The following AP2A1 variants were observed in gnomAD, a reference collection of about 807,000 sequenced individuals.
AP2A1 encodes the protein adaptor related protein complex 2 subunit alpha 1, also known as AP-2 complex subunit alpha-1.
A neutral mutation model predicts 107.3 loss-of-function variants in AP2A1; 21 were observed. The ratio of observed to expected loss-of-function variants is 0.20; its 90% CI spans 0.14 to 0.28. AP2A1 has a LOEUF of 0.28. Among genes scored for constraint, AP2A1 ranks in the 10% least tolerant of loss-of-function variants. The pLI is 1.00. For synonymous variants in AP2A1, 602 were observed against 564.8 expected (o/e 1.07, Z -0.93); for missense variants, 873 against 1,307.7 (o/e 0.67, Z 5.13).
At chr19:49,806,545 G>A in intron 22 of AP2A1, 136 bp from the exon 23 acceptor site, 4 of 1,479,690 alleles carry the variant, frequency 2.7e-6, no homozygotes, top group Non-Finnish European at 3.6e-6. Flanking sequence ...GTTGATTTCA[G>A]TCTTACATTT....
intron 7 of AP2A1, chr19:49,795,955 C>T (rs2073208745): frequency 1.8e-6 from 1 of 564,760 alleles, no homozygotes; most frequent in South Asian, 2.1e-5. Context: ...GGATCAGCCT[C>T]ATAGCTGAGG....
chr19:49,772,495 G>T (rs1219662931), intron 1 of AP2A1, among the ~76,000 whole-genome samples: 6 of 136,324 alleles, frequency 4.4e-5, no homozygotes, highest in Admixed American at 2.2e-4. Context: ...CTATTTTCAA[G>T]AATTCTTTTT....
At chr19:49,798,680 G>T in intron 7 of AP2A1, 122 bp from the exon 8 acceptor site, 3 of 1,322,368 alleles carry the variant, frequency 2.3e-6, no homozygotes, top group South Asian at 1.5e-5. Flanking sequence ...CAGAATTCTC[G>T]AGTGTCAGAG....
intron 15 of AP2A1, chr19:49,802,586 G>C (rs776529479): frequency 1.2e-6 from 2 of 1,600,490 alleles, no homozygotes; most frequent in Non-Finnish European, 1.7e-6. Context: ...GGCTGACCCA[G>C]CTCCAGCTGC....
intron 6 of AP2A1, 38 bp from the exon 7 acceptor site, chr19:49,795,592 C>G: frequency 1.2e-6 from 1 of 854,024 alleles, no homozygotes; most frequent in Non-Finnish European, 1.9e-6. Flanking sequence ...GCCCCTCCCA[C>G]CCCAGCCCCC....
chr19:49,806,395 CTCTT>C, intron 22 of AP2A1, 142 bp downstream of exon 22: 1 of 1,438,260 alleles, frequency 7.0e-7, no homozygotes, highest in South Asian at 1.5e-5. Context: ...ACTTTTACTC[CTCTT>C]TATCTATCAG....
intron 15 of AP2A1, chr19:49,802,451 C>T (rs1328305201): frequency 3.7e-6 from 5 of 1,353,322 alleles, no homozygotes; most frequent in African/African-American, 1.4e-5. Context: ...CTCTGTCTCT[C>T]TTCTGCCCTC....
At chr19:49,805,350 C>T in intron 18 of AP2A1, 103 bp from the exon 19 acceptor site, 2 of 1,343,778 alleles carry the variant, frequency 1.5e-6, no homozygotes, top group Non-Finnish European at 2.0e-6. Flanking sequence ...TGGGGTCCCT[C>T]AAAGACCTGC....
chr19:49,800,230 T>C (rs914383544), intron 11 of AP2A1, 80 bp downstream of exon 11: 212 of 1,459,684 alleles, frequency 1.5e-4, no homozygotes, highest in Non-Finnish European at 1.8e-4. Context: ...CCGTGGCGCC[T>C]GCCAGCCCGC....
chr19:49,771,084 T>C (rs999340248), intron 1 of AP2A1, among the ~76,000 whole-genome samples: 2 of 151,818 alleles, frequency 1.3e-5, no homozygotes, highest in African/African-American at 4.8e-5. Context: ...ACTCCTGGCC[T>C]CAGGTGATCC....
chr19:49,792,540 C>G (rs190710637), intron 5 of AP2A1, among the ~76,000 whole-genome samples: 13 of 152,084 alleles, frequency 8.5e-5, no homozygotes, highest in Admixed American at 8.5e-4. Context: ...CCATCCCCAT[C>G]TCTGACACTC....
At chr19:49,795,584 C>CCCCCCCCCCCCCCCCCCCCA in intron 6 of AP2A1, 46 bp from the exon 7 acceptor site, 3 of 659,248 alleles carry the variant, frequency 4.6e-6, no homozygotes, top group Non-Finnish European at 5.6e-6. Context: ...ACCCACGTGC[C>CCCCCCCCCCCCCCCCCCCCA]CCTCCCACCC....
chr19:49,792,814 C>T (rs1425605991), intron 5 of AP2A1, among the ~76,000 whole-genome samples, 177 bp from the exon 6 acceptor site: 1 of 152,132 alleles, frequency 6.6e-6, no homozygotes, highest in Non-Finnish European at 1.5e-5. Flanking sequence ...CCATGGCGCC[C>T]GAGGCCCCGT....
Position 49,799,004 on chromosome 19 carries a change from C to A in AP2A1, c.965+52C>A, listed in dbSNP as rs1301855463. 4 of 1,547,718 alleles carry A rather than the reference C, an allele frequency of 2.6e-6. No homozygotes were observed. In the African/African-American group the frequency reaches 5.5e-5, roughly 21 times the overall value. On this transcript the variant is annotated intron_variant, in intron 8 of 22. Transcript: ENST00000354293. ...GATGCCTGGGGCCAGGAAAGAGGGG[C>A]ATGGAGGCCCGGACTCCTGAGTCCT... is the stretch of plus-strand genomic sequence containing the variant.
intron 6 of AP2A1, among the ~76,000 whole-genome samples, chr19:49,794,073 T>C (rs1428892985): frequency 6.7e-6 from 1 of 149,728 alleles, no homozygotes; most frequent in Non-Finnish European, 1.5e-5. Context: ...GCTAATTTTT[T>C]GTATTTTTAG....
chr19:49,769,257 AT>A (rs1266630585), intron 1 of AP2A1, among the ~76,000 whole-genome samples: 14 of 21,148 alleles, frequency 6.6e-4, no homozygotes, highest in Non-Finnish European at 8.6e-4. Context: ...GTCTCCAAAA[AT>A]AAAAAAAAAG....
chr19:49,801,292 C>A, intron 12 of AP2A1, 98 bp from the exon 13 acceptor site: 1 of 1,279,456 alleles, frequency 7.8e-7, no homozygotes, highest in Non-Finnish European at 1.1e-6. Flanking sequence ...AGCTTGGGGT[C>A]CTGGGACGGG....
chr19:49,789,134 C>T (rs553751598), intron 4 of AP2A1, among the ~76,000 whole-genome samples: 2 of 152,314 alleles, frequency 1.3e-5, no homozygotes, highest in South Asian at 2.1e-4. Flanking sequence ...GCCTTTGACT[C>T]GTGCAGGTCT....
rs765887279 is a variant in AP2A1, at chr19:49,802,632, G to A, written c.2115-317G>A. ...GTGGCCTGGGGTGGGAGGTCGGTCG[G>A]GGGGGCGGACTCGGGTGTCCCCAGG... On this transcript the variant is annotated intron_variant, in intron 15 of 22. Coordinates refer to ENST00000354293, the MANE Select transcript of AP2A1 (RefSeq NM_130787.3). The A allele has an allele frequency of 5.9e-6, 9 of 1,523,184 alleles. No homozygotes were observed. In the East Asian group the frequency reaches 7.0e-5, roughly 12 times the overall value. 94.4% of individuals were successfully genotyped at this position (1,523,184 alleles called of 1,614,324 possible).
Sources: allele counts gnomAD v4.1 joint callset (sites outside exome capture counted in the v4.1 genomes callset), GRCh38; gene constraint gnomAD v4.1.1; transcripts MANE v1.5; gene names NCBI Gene and HGNC (gene_info 2026-07-23, HGNC 2026-07-21).